The following SPAG6 variants were observed in gnomAD, a reference collection of about 807,000 sequenced individuals.
SPAG6 encodes the protein sperm-associated antigen 6.
A neutral mutation model predicts 58.5 loss-of-function variants in SPAG6; 49 were observed. The observed-to-expected ratio is 0.84, with a 90% CI of 0.67 to 1.06. SPAG6 has a LOEUF of 1.06. Ranked by LOEUF, SPAG6 falls within the 50% of genes least tolerant of loss-of-function variation. The pLI, the probability that SPAG6 is intolerant of heterozygous loss-of-function variation, is 0.00. For synonymous variants in SPAG6, 233 were observed against 225.6 expected (o/e 1.03, Z -0.29); for missense variants, 560 against 611.3 (o/e 0.92, Z 0.89).
At chr10:22,376,642 T>G (rs1346003519) in intron 4 of SPAG6, among the ~76,000 whole-genome samples, 1 of 152,066 alleles carries the variant, frequency 6.6e-6, no homozygotes, top group Admixed American at 6.5e-5. Flanking sequence ...GACATGTGTG[T>G]GTGTGTGTGT....
At chr10:22,407,756 C>G (rs1834596758) in intron 9 of SPAG6, among the ~76,000 whole-genome samples, 1 of 152,124 alleles carries the variant, frequency 6.6e-6, no homozygotes, top group Admixed American at 6.5e-5. Context: ...TCCATTCTCC[C>G]CGTCACTTTC....
intron 7 of SPAG6, 139 bp from the exon 8 acceptor site, chr10:22,391,590 G>A: frequency 1.5e-6 from 1 of 658,332 alleles, no homozygotes; most frequent in South Asian, 2.0e-5. Context: ...GACAGCCCCT[G>A]TGATGTGCTC....
rs148238947 is a variant in SPAG6, at chr10:22,361,645, A to G, written c.122-3208A>G. On this transcript the variant is annotated intron_variant, in intron 2 of 10. Coordinates refer to ENST00000376624, the MANE Select transcript of SPAG6 (RefSeq NM_012443.4). ...TGGAAGGCAGAGATTGCAGTGAGCC[A>G]AGATGGTGCCAGCCTGGGTGACAGA... Among the ~76,000 whole-genome samples, 17 of 152,302 alleles carry G rather than the reference A, an allele frequency of 1.1e-4. No individual in the cohort carries two copies. In the East Asian group the frequency reaches 3.3e-3, roughly 29 times the overall value.
rs564123385 is a variant in SPAG6 at position 22,389,297 on chromosome 10, A to G, written c.990A>G (p.Ala330=). ...CTCATTCTGAGAACCTAGCAATGGC[A>G]GTCATCATTTCTAAGGTTTGTTCTT... The part of the protein sequence containing the change: ...VAAHSENLAM[A]VIISKGVPQL... The change falls in exon 7 of 11, where the codon GCA becomes GCG. Residue 330 remains alanine (A), a synonymous_variant. Transcript: ENST00000376624. 1.2e-6 allele frequency: 2 copies of G among 1,612,010 alleles called. No individual in the cohort carries two copies. Among genetic ancestry groups the G allele is most frequent in the African/African-American group, 2.7e-5 (2 of 74,956 alleles).
chr10:22,348,027 T>C (rs1019271966), intron 2 of SPAG6, among the ~76,000 whole-genome samples: 1 of 149,694 alleles, frequency 6.7e-6, no homozygotes, highest in African/African-American at 2.6e-5. Context: ...AGTCTTGCTC[T>C]GTTGCCAGGC....
chr10:22,364,325 C>T (rs1222111824), intron 2 of SPAG6, among the ~76,000 whole-genome samples: 1 of 152,132 alleles, frequency 6.6e-6, no homozygotes, highest in Non-Finnish European at 1.5e-5. Context: ...GCTACTTTTA[C>T]TATTGTTGCT....
At chr10:22,409,933 C>G (rs977498123) in intron 9 of SPAG6, among the ~76,000 whole-genome samples, 2 of 152,134 alleles carry the variant, frequency 1.3e-5, no homozygotes, top group Non-Finnish European at 2.9e-5. Flanking sequence ...TACTGATACC[C>G]TGTTTTCTCT....
chr10:22,364,316 C>G (rs1380000702), intron 2 of SPAG6, among the ~76,000 whole-genome samples: 2 of 152,108 alleles, frequency 1.3e-5, no homozygotes, highest in African/African-American at 4.8e-5. Flanking sequence ...TAAATATGAG[C>G]TACTTTTACT....
At chr10:22,357,066 ACT>A (rs760678852) in intron 2 of SPAG6, among the ~76,000 whole-genome samples, 1 of 151,660 alleles carries the variant, frequency 6.6e-6, no homozygotes, top group Non-Finnish European at 1.5e-5. Context: ...AACATATGAA[ACT>A]CTTTTTGCTC....
chr10:22,412,668 T>G, intron 10 of SPAG6: 1 of 492,744 alleles, frequency 2.0e-6, no homozygotes. Flanking sequence ...GCCTCCCGGG[T>G]TCAAGCTATT....
At chr10:22,360,903 C>T (rs752277597) in intron 2 of SPAG6, 93 of 1,094,872 alleles carry the variant, frequency 8.5e-5, no homozygotes, top group East Asian at 2.6e-5. Context: ...TTCCTTCCTT[C>T]CTTCCTTCCA....
chr10:22,356,268 T>TCAAG (rs1836864459), intron 2 of SPAG6, among the ~76,000 whole-genome samples: 1 of 152,256 alleles, frequency 6.6e-6, no homozygotes, highest in African/African-American at 2.4e-5. Context: ...ACATGCTGTG[T>TCAAG]CAAGGATGGC....
chr10:22,357,828 T>C (rs1399204210), intron 2 of SPAG6, among the ~76,000 whole-genome samples: 2 of 148,988 alleles, frequency 1.3e-5, no homozygotes, highest in Non-Finnish European at 3.0e-5. Context: ...AGTGAGAATA[T>C]GCAGTGTTTG....
intron 8 of SPAG6, among the ~76,000 whole-genome samples, chr10:22,397,196 A>G (rs1588553318): frequency 6.6e-6 from 1 of 152,136 alleles, no homozygotes; most frequent in East Asian, 1.9e-4. Flanking sequence ...ATCCTAAGGA[A>G]TTCACACACA....
Position 22,354,075 on chromosome 10 carries a change from C to T in SPAG6, c.121+8257C>T, listed in dbSNP as rs568782325. On this transcript the variant is annotated intron_variant, in intron 2 of 10. Coordinates refer to ENST00000376624, the MANE Select transcript of SPAG6 (RefSeq NM_012443.4). ...GGCCTCGTATGAAGTTTAGATTTCT[C>T]CTGGAATTGATGGAAAGCCATTGAA... Among the ~76,000 whole-genome samples the T allele has an allele frequency of 3.9e-5, 6 of 152,226 alleles. No homozygotes were observed. The East Asian group carries it at 1.2e-3, about 29-fold the overall frequency.
chr10:22,400,367 C>A (rs1351635307), intron 8 of SPAG6, among the ~76,000 whole-genome samples: 2 of 152,038 alleles, frequency 1.3e-5, no homozygotes, highest in Non-Finnish European at 2.9e-5. Context: ...AAGGGGACAG[C>A]CTTTAAGAAA....
intron 10 of SPAG6, among the ~76,000 whole-genome samples, chr10:22,414,134 G>C (rs939168125): frequency 6.6e-6 from 1 of 152,146 alleles, no homozygotes. Flanking sequence ...CTCTGCCTCA[G>C]CTGGGGTGGG....
intron 2 of SPAG6, among the ~76,000 whole-genome samples, chr10:22,352,120 C>G (rs938745292): frequency 6.6e-6 from 1 of 151,938 alleles, no homozygotes; most frequent in African/African-American, 2.4e-5. Flanking sequence ...GAGATCGCTC[C>G]ACTGTGCTCC....
intron 4 of SPAG6, among the ~76,000 whole-genome samples, chr10:22,383,180 G>T (rs1833995200): frequency 6.6e-6 from 1 of 152,132 alleles, no homozygotes; most frequent in South Asian, 2.1e-4. Context: ...ATCTAAGTTG[G>T]TACATATCAA....
Sources: gnomAD v4.1 joint callset for allele counts (sites outside exome capture counted in the v4.1 genomes callset) on GRCh38, gnomAD v4.1.1 for gene constraint, MANE v1.5 for transcripts, NCBI Gene and HGNC (gene_info 2026-07-23, HGNC 2026-07-21) for gene names.